Variants in RUBCNL observed in about 807,000 individuals in gnomAD.
The protein encoded by RUBCNL is rubicon like autophagy enhancer, also known as protein associated with UVRAG as autophagy enhancer.
Under a neutral mutation model 69.5 loss-of-function variants are expected in RUBCNL, and 62 were observed. The observed-to-expected ratio is 0.89, with a 90% CI of 0.73 to 1.10. The LOEUF is 1.10. Among genes scored for constraint, RUBCNL ranks in the 50% least tolerant of loss-of-function variants. RUBCNL has a pLI of 0.00. For missense variants in RUBCNL, 768 were observed against 798.1 expected, an observed-to-expected ratio of 0.96 and a Z score of 0.45; for synonymous variants, 291 against 303.6, an observed-to-expected ratio of 0.96 and a Z score of 0.43.
intron 2 of RUBCNL, among the ~76,000 whole-genome samples, chr13:46,374,993 C>T (rs531557210): frequency 6.6e-5 from 10 of 152,266 alleles, no homozygotes; most frequent in African/African-American, 1.9e-4. Context: ...GGTAGTTCCC[C>T]CATCATTACC....
intron 9 of RUBCNL, among the ~76,000 whole-genome samples, chr13:46,357,367 C>T (rs2138727624): frequency 1.3e-5 from 2 of 148,666 alleles, no homozygotes; most frequent in East Asian, 4.0e-4. Flanking sequence ...CTGCTAAAAC[C>T]AAAGCAGAAG....
At chr13:46,368,588 G>T in intron 4 of RUBCNL, 145 bp downstream of exon 4, 1 of 1,300,120 alleles carries the variant, frequency 7.7e-7, no homozygotes, top group Non-Finnish European at 1.0e-6. Context: ...TTAGCTTAGT[G>T]TTTCTGGCAG....
Position 46,372,608 on chromosome 13 carries a change from CA to C in RUBCNL, c.-122-12del. The C allele has an allele frequency of 7.0e-7, 1 of 1,435,488 alleles. No homozygotes were observed. The highest frequency in any genetic ancestry group is 1.4e-5 in the African/African-American group (1 of 69,762). The allele number at this position is 1,435,488 out of a possible 1,614,324, so 88.9% of individuals were successfully genotyped here. ...GTCTGGAGAGCTATTCTGCAATGAG[CA>C]AGGAATCATTCAAAATAAGTAAGAA... is the stretch of plus-strand genomic sequence containing the variant. On this transcript the variant is annotated splice_polypyrimidine_tract_variant and intron_variant, in intron 2 of 14. Transcript: ENST00000429979.
intron 1 of RUBCNL, among the ~76,000 whole-genome samples, chr13:46,382,199 T>C (rs1222589557): frequency 6.6e-6 from 1 of 152,028 alleles, no homozygotes; most frequent in Non-Finnish European, 1.5e-5. Flanking sequence ...GAAATGCTCA[T>C]CTCCCTTCAA....
chr13:46,340,220 G>A lies in RUBCNL; in HGVS notation c.*3165C>T, dbSNP rs2048132114. Among the ~76,000 whole-genome samples the A allele has an allele frequency of 6.6e-6, 1 of 152,006 alleles. No homozygotes were observed. Among genetic ancestry groups the A allele is most frequent in the Admixed American group, 6.6e-5 (1 of 15,262 alleles). On this transcript the variant is annotated 3_prime_UTR_variant, in exon 15 of 15. Transcript: ENST00000429979. ...TCTGCAAAGACCCTACTTCCCAAAA[G>A]GCCACAGCACAGACACCAGCATAGA...
intron 14 of RUBCNL, among the ~76,000 whole-genome samples, chr13:46,344,207 C>G (rs2048193403): frequency 6.6e-6 from 1 of 152,184 alleles, no homozygotes; most frequent in Non-Finnish European, 1.5e-5. Flanking sequence ...GGATATGCCC[C>G]TATCAAGGGT....
intron 10 of RUBCNL, among the ~76,000 whole-genome samples, chr13:46,352,777 C>T (rs1182611202): frequency 6.6e-6 from 1 of 151,400 alleles, no homozygotes; most frequent in Non-Finnish European, 1.5e-5. Context: ...GCGCTCCAGC[C>T]TGGGTGGGCA....
intron 14 of RUBCNL, among the ~76,000 whole-genome samples, chr13:46,343,932 T>A (rs2048188081): frequency 6.6e-6 from 1 of 152,058 alleles, no homozygotes; most frequent in African/African-American, 2.4e-5. Context: ...CCGGCCCCAA[T>A]TTGTCCCCAG....
chr13:46,376,593 TA>T (rs2049000044), intron 2 of RUBCNL, among the ~76,000 whole-genome samples: 7 of 152,316 alleles, frequency 4.6e-5, no homozygotes, highest in Admixed American at 3.3e-4. Flanking sequence ...TTCTGGATTT[TA>T]TAATTACAAA....
At position 46,335,092 on chromosome 13, in the gene RUBCNL, T is replaced by TCTCA. The variant is rs2048095340; in HGVS notation, c.*8289_*8292dup. On this transcript the variant is annotated 3_prime_UTR_variant, in exon 15 of 15. Transcript: ENST00000429979. Reference sequence around the variant, plus strand: ...GGACTTTTTTTTTTTTGAGATGGGGTCTCACTCTGTCACCCAGGCTGGAAT... The same window carrying TCTCA: ...GGACTTTTTTTTTTTTGAGATGGGGTCTCACTCACTCTGTCACCCAGGCTGGAAT... 6.7e-6 allele frequency among the ~76,000 whole-genome samples: 1 copy of TCTCA among 149,816 alleles called. No individual in the cohort carries two copies. Among genetic ancestry groups the TCTCA allele is most frequent in the Admixed American group, 6.7e-5 (1 of 14,984 alleles).
At chr13:46,356,372 C>T (rs753537421) in intron 10 of RUBCNL, 60 bp downstream of exon 10, 12 of 1,540,766 alleles carry the variant, frequency 7.8e-6, no homozygotes, top group Non-Finnish European at 1.1e-5. Flanking sequence ...CGCTGCCCTA[C>T]TTTGCTATTC....
rs115876116 is a variant in RUBCNL at position 46,369,294 on chromosome 13, G to A, written c.536-479C>T. On this transcript the variant is annotated intron_variant, in intron 3 of 14. Transcript: ENST00000429979. ...CAGCGGCGTGATCACACTTTAGTGC[G>A]GCTTCAACCTCCTGGGCTCAAGCGA... Among the ~76,000 whole-genome samples the A allele has an allele frequency of 5.7e-4, 87 of 152,202 alleles. 1 individual carries two copies. Among genetic ancestry groups the A allele is most frequent in the African/African-American group, 2.0e-3 (83 of 41,534 alleles).
intron 5 of RUBCNL, among the ~76,000 whole-genome samples, chr13:46,364,165 G>A (rs1298219687): frequency 6.6e-6 from 1 of 152,078 alleles, no homozygotes; most frequent in African/African-American, 2.4e-5. Flanking sequence ...GGAGGCTGAG[G>A]CAGGCGGATC....
At position 46,337,968 on chromosome 13, in the gene RUBCNL, T is replaced by C. The variant is rs1403561171; in HGVS notation, c.*5417A>G. Among the ~76,000 whole-genome samples, 1 of 152,038 alleles carries C rather than the reference T, an allele frequency of 6.6e-6. No homozygotes were observed. The highest frequency in any genetic ancestry group is 2.4e-5 in the African/African-American group (1 of 41,392). The stretch of plus-strand genomic sequence containing the variant: ...CTTCCAAGAGACTTTCAAGGGCAGA[T>C]AGAAAGGATCAAAGGCTGCCAAAAG... On this transcript the variant is annotated 3_prime_UTR_variant, in exon 15 of 15. Transcript: ENST00000429979.
chr13:46,372,343 T>C lies in RUBCNL; in HGVS notation c.133A>G (p.Arg45Gly). ...CAGACAGCTTTGTGCCTCATGAGCC[T>C]GATGTCTAATTGGCAAGGAGGATGG... ...TDHPPCQLDIRLMRHKAVWIN... is the reference protein window; with the variant it reads ...TDHPPCQLDIGLMRHKAVWIN... The change falls in exon 3 of 15, where the codon AGG becomes GGG. Residue 45 changes from arginine (R) to glycine (G), a missense_variant. Coordinates refer to ENST00000429979, the MANE Select transcript of RUBCNL (RefSeq NM_025113.5). 6.2e-7 allele frequency: 1 copy of C among 1,614,040 alleles called. No individual in the cohort carries two copies. Among genetic ancestry groups the C allele is most frequent in the African/African-American group, 1.3e-5 (1 of 75,052 alleles).
At position 46,363,098 on chromosome 13, in the gene RUBCNL, C is replaced by A; in HGVS notation, c.925+17G>T. 1 of 1,541,920 alleles carries A rather than the reference C, an allele frequency of 6.5e-7. No homozygotes were observed. The highest frequency in any genetic ancestry group is 8.9e-7 in the Non-Finnish European group (1 of 1,124,466). The stretch of plus-strand genomic sequence containing the variant: ...GGGGAGGCAGCCAGTCACATCCAAA[C>A]AGTTTCCAAATCTTACCTAAAATAA... On this transcript the variant is annotated intron_variant, in intron 6 of 14. Transcript: ENST00000429979.
chr13:46,387,589 A>G (rs370898988), upstream of RUBCNL: 3 of 985,344 alleles, frequency 3.0e-6, no homozygotes, highest in African/African-American at 1.7e-5. Flanking sequence ...AGATGCCCCC[A>G]GCAGCAGTAT....
chr13:46,356,299 G>T, intron 10 of RUBCNL, 133 bp downstream of exon 10: 1 of 818,874 alleles, frequency 1.2e-6, no homozygotes, highest in Non-Finnish European at 1.9e-6. Flanking sequence ...ATGAAAAGGA[G>T]GGCAACTTCT....
chr13:46,358,644 C>G (rs910432727), intron 9 of RUBCNL, among the ~76,000 whole-genome samples: 2 of 152,192 alleles, frequency 1.3e-5, no homozygotes, highest in Admixed American at 1.3e-4. Flanking sequence ...ACCTCTGCCT[C>G]CTGGGTTAAA....
Sources: allele counts gnomAD v4.1 joint callset (sites outside exome capture counted in the v4.1 genomes callset), GRCh38; gene constraint gnomAD v4.1.1; transcripts MANE v1.5; gene names NCBI Gene and HGNC (gene_info 2026-07-23, HGNC 2026-07-21).